The following PKD1L3 variants were observed in gnomAD, a reference collection of about 807,000 sequenced individuals.
PKD1L3 encodes polycystin 1 like 3, transient receptor potential channel interacting, also known as polycystin-1-like protein 3.
PKD1L3 carries 239 observed loss-of-function variants against 184.1 expected under a neutral mutation model. The ratio of observed to expected loss-of-function variants is 1.30; its 90% CI spans 1.17 to 1.45. The LOEUF (loss-of-function observed/expected upper bound fraction) is 1.45. PKD1L3 is among the 40% of genes most tolerant of loss of function. The probability of loss-of-function intolerance (pLI) is 0.00; values close to 1 mark genes in which losing one functional copy is unlikely to be tolerated. For missense variants in PKD1L3, 2,660 were observed against 2,067.2 expected (o/e 1.29, Z -5.56); for synonymous variants, 996 against 778.8 (o/e 1.28, Z -4.64).
chr16:71,995,324 G>T (rs533182965), intron 2 of PKD1L3, among the ~76,000 whole-genome samples: 18 of 152,180 alleles, frequency 1.2e-4, no homozygotes, highest in African/African-American at 4.1e-4. Flanking sequence ...TGTTTTGGAA[G>T]GGGCACATTC....
Position 71,937,311 on chromosome 16 carries a change from C to A in PKD1L3, c.4433G>T (p.Cys1478Phe). ...ACTCACCTGTATGAAGGCATAGTAA[C>A]AGACCAGTAGATAATAGATGACTTG... ...ISQVIYYLLV[C>F]YYAFIQGCQL... The change falls in exon 25 of 30, where the codon TGT becomes TTT. Residue 1478 changes from cysteine to phenylalanine, a missense_variant. By Grantham distance (205) the Cys-to-Phe change is radical (BLOSUM62 -2). Coordinates refer to ENST00000620267, the MANE Select transcript of PKD1L3 (RefSeq NM_181536.2). 1 of 1,551,422 alleles carries A rather than the reference C, an allele frequency of 6.4e-7. No individual in the cohort carries two copies. Among genetic ancestry groups the A allele is most frequent in the Non-Finnish European group, 8.7e-7 (1 of 1,146,896 alleles).
Position 71,953,042 on chromosome 16 carries a change from G to A in PKD1L3, c.2861C>T (p.Ala954Val), listed in dbSNP as rs2038908067. 5.8e-6 allele frequency: 9 copies of A among 1,547,164 alleles called. No homozygotes were observed. In the East Asian group the frequency reaches 2.2e-4, roughly 38 times the overall value. ...AAGATTGATTGGGAAGAGGATGACA[G>A]CAGTATGGATGCTGACCAGCAGTTC... ...WSELLVSIHTAVILFPINLVI... is the reference protein window; with the variant it reads ...WSELLVSIHTVVILFPINLVI... Residue 954 changes from alanine (A) to valine (V), a missense_variant, in exon 18 of 30, where the codon GCT (alanine) becomes GTT (valine). Transcript: ENST00000620267.
At position 71,992,194 on chromosome 16, in the gene PKD1L3, G is replaced by T. The variant is rs143763091; in HGVS notation, c.535+1022C>A. On this transcript the variant is annotated intron_variant, in intron 3 of 29. Coordinates refer to ENST00000620267, the MANE Select transcript of PKD1L3 (RefSeq NM_181536.2). ...GATCCAGCCCGCAAACTTTTTAAAGGACCCTACGTACATAAATATTAGGCA... is the reference window on the plus strand; with the variant it reads ...GATCCAGCCCGCAAACTTTTTAAAGTACCCTACGTACATAAATATTAGGCA... 2.8e-3 allele frequency among the ~76,000 whole-genome samples: 431 copies of T among 152,208 alleles called. 3 individuals carry two copies. The highest frequency in any genetic ancestry group is 9.9e-3 in the African/African-American group (411 of 41,516).
At chr16:71,975,299 C>G (rs1175792876) in intron 11 of PKD1L3, among the ~76,000 whole-genome samples, 2 of 151,166 alleles carry the variant, frequency 1.3e-5, no homozygotes, top group Non-Finnish European at 2.9e-5. Flanking sequence ...CTTAAGTGAT[C>G]CTCCTGCCTT....
Position 71,980,142 on chromosome 16 carries a change from G to C in PKD1L3, c.1144-8C>G, listed in dbSNP as rs545105476. 84 of 1,551,206 alleles carry C rather than the reference G, an allele frequency of 5.4e-5. No individual in the cohort carries two copies. Among genetic ancestry groups the C allele is most frequent in the Non-Finnish European group, 6.5e-5 (75 of 1,146,618 alleles). On this transcript the variant is annotated splice_polypyrimidine_tract_variant and splice_region_variant and intron_variant, in intron 7 of 29. Coordinates refer to ENST00000620267, the MANE Select transcript of PKD1L3 (RefSeq NM_181536.2). Reference sequence around the variant, plus strand: ...TTCCAGGATGTCTTCTACCTGCATGGAAAGGAAAACAGTGTGTGACTTGTA... The same window carrying C: ...TTCCAGGATGTCTTCTACCTGCATGCAAAGGAAAACAGTGTGTGACTTGTA...
At chr16:71,993,712 G>C (rs17664900) in intron 2 of PKD1L3, among the ~76,000 whole-genome samples, 1 of 152,122 alleles carries the variant, frequency 6.6e-6, no homozygotes, top group African/African-American at 2.4e-5. Flanking sequence ...CATACTAAGC[G>C]TAATATTCTC....
At position 71,984,068 on chromosome 16, in the gene PKD1L3, C is replaced by A; in HGVS notation, c.934G>T (p.Ala312Ser). The A allele has an allele frequency of 1.3e-6, 2 of 1,552,286 alleles. No homozygotes were observed. The highest frequency in any genetic ancestry group is 2.4e-5 in the South Asian group (2 of 84,062). The change falls in exon 6 of 30, where the codon GCC becomes TCC. Residue 312 changes from alanine (A) to serine (S), a missense_variant. Coordinates refer to ENST00000620267, the MANE Select transcript of PKD1L3 (RefSeq NM_181536.2). Reference protein sequence around the residue: ...EACEFLQKLTALTPRFSKPAQ... With the variant: ...EACEFLQKLTSLTPRFSKPAQ... ...GGCTTAGAAAATCTTGGGGTTAAGG[C>A]TGTTAGTTTCTGGAGGAACTCACAA...
At chr16:71,996,178 G>C (rs555030658) in intron 2 of PKD1L3, among the ~76,000 whole-genome samples, 1 of 151,314 alleles carries the variant, frequency 6.6e-6, no homozygotes, top group East Asian at 1.9e-4. Context: ...AACAGGATAT[G>C]GACGCTGATA....
At chr16:71,937,442 G>A (rs752204138) in intron 24 of PKD1L3, 23 bp from the exon 25 acceptor site, 10 of 1,546,158 alleles carry the variant, frequency 6.5e-6, no homozygotes, top group African/African-American at 1.4e-5. Flanking sequence ...AAGAACACCT[G>A]GAGTCAAGAG....
intron 21 of PKD1L3, among the ~76,000 whole-genome samples, chr16:71,948,080 A>T (rs1436081832): frequency 6.6e-6 from 1 of 151,384 alleles, no homozygotes; most frequent in Non-Finnish European, 1.5e-5. Context: ...CACCCAGTTT[A>T]TTTTATTATT....
At chr16:71,985,707 C>G (rs984868974) in intron 5 of PKD1L3, among the ~76,000 whole-genome samples, 6 of 152,172 alleles carry the variant, frequency 3.9e-5, no homozygotes, top group Non-Finnish European at 7.3e-5. Flanking sequence ...GCTGGAATTA[C>G]AGGCGTGAGC....
intron 24 of PKD1L3, among the ~76,000 whole-genome samples, chr16:71,941,117 C>T (rs1450387740): frequency 3.3e-5 from 5 of 152,040 alleles, no homozygotes; most frequent in African/African-American, 4.8e-5. Context: ...GGATTATAGG[C>T]TTGAGACACC....
Position 71,930,185 on chromosome 16 carries a change from T to G in PKD1L3, c.4927-2A>C, listed in dbSNP as rs749740158. The G allele has an allele frequency of 6.5e-7, 1 of 1,539,782 alleles. No homozygotes were observed. The highest frequency in any genetic ancestry group is 8.8e-7 in the Non-Finnish European group (1 of 1,142,610). On this transcript the variant is annotated splice_acceptor_variant, in intron 28 of 29. Transcript: ENST00000620267. LOFTEE classifies it high-confidence loss of function. ...CAGGACTGGGTCTAAAGCGAAAACCTGGGAAAACAATAAGAACACTTGCAG... is the reference window on the plus strand; with the variant it reads ...CAGGACTGGGTCTAAAGCGAAAACCGGGGAAAACAATAAGAACACTTGCAG...
rs900695169 is a variant in PKD1L3, at chr16:71,966,514, C to A, written c.2465+623G>T. Among the ~76,000 whole-genome samples, 26 of 151,412 alleles carry A rather than the reference C, an allele frequency of 1.7e-4. No homozygotes were observed. In the Admixed American group the frequency reaches 1.7e-3, roughly 10 times the overall value. On this transcript the variant is annotated intron_variant, in intron 15 of 29. Transcript: ENST00000620267. Reference sequence around the variant, plus strand: ...GCAGACATGCTCACTGCAGCTTCAACCTCCGAGGCTCAAGTTATCCTCCCA... The same window carrying A: ...GCAGACATGCTCACTGCAGCTTCAAACTCCGAGGCTCAAGTTATCCTCCCA...
chr16:71,967,823 G>C lies in PKD1L3; in HGVS notation c.2286+83C>G, dbSNP rs1009892613. On this transcript the variant is annotated intron_variant, in intron 14 of 29. Coordinates refer to ENST00000620267, the MANE Select transcript of PKD1L3 (RefSeq NM_181536.2). ...CTCTAGTCTCTTTTAAAGTGCTATTGGTTGCCAGGATATCACCAACTCAGA... is the reference window on the plus strand; with the variant it reads ...CTCTAGTCTCTTTTAAAGTGCTATTCGTTGCCAGGATATCACCAACTCAGA... 18 of 1,150,192 alleles carry C rather than the reference G, an allele frequency of 1.6e-5. 1 individual carries two copies. The highest frequency in any genetic ancestry group is 2.1e-5 in the Non-Finnish European group (17 of 797,796). 71.2% of individuals were successfully genotyped at this position (1,150,192 alleles called of 1,614,324 possible).
intron 13 of PKD1L3, among the ~76,000 whole-genome samples, chr16:71,968,976 G>C (rs1298007807): frequency 1.3e-5 from 2 of 151,494 alleles, no homozygotes; most frequent in Non-Finnish European, 2.9e-5. Context: ...CCAGGCTGGA[G>C]TGCAGTGGGG....
At chr16:71,964,923 TG>T (rs1369847710) in intron 15 of PKD1L3, among the ~76,000 whole-genome samples, 1 of 151,356 alleles carries the variant, frequency 6.6e-6, no homozygotes, top group Non-Finnish European at 1.5e-5. Context: ...CTTGGCTCAC[TG>T]CAACCTCCAC....
rs2040089591 is a variant in PKD1L3, at chr16:71,980,059, G to C, written c.1219C>G (p.Pro407Ala). 6.4e-7 allele frequency: 1 copy of C among 1,551,922 alleles called. No individual in the cohort carries two copies. ...GAGGTCAAAGTCACTGAAGACTCGGGAGACTGGTTCTGCTCTAGAAATGCT... is the reference window on the plus strand; with the variant it reads ...GAGGTCAAAGTCACTGAAGACTCGGCAGACTGGTTCTGCTCTAGAAATGCT... ...GEAFLEQNQSPESSVTLTSAN... is the reference protein window; with the variant it reads ...GEAFLEQNQSAESSVTLTSAN... The change falls in exon 8 of 30, where the codon CCC (proline) becomes GCC (alanine). Residue 407 changes from proline to alanine, a missense_variant. Pro to Ala is a conservative substitution (Grantham distance 27). Coordinates refer to ENST00000620267, the MANE Select transcript of PKD1L3 (RefSeq NM_181536.2).
At chr16:71,963,916 C>T (rs187205804) in intron 15 of PKD1L3, among the ~76,000 whole-genome samples, 1 of 152,290 alleles carries the variant, frequency 6.6e-6, no homozygotes, top group Admixed American at 6.5e-5. Flanking sequence ...ATTTTATAAC[C>T]TTTCTCTGTC....
Sources: allele counts gnomAD v4.1 joint callset (sites outside exome capture counted in the v4.1 genomes callset), GRCh38; gene constraint gnomAD v4.1.1; transcripts MANE v1.5; gene names NCBI Gene and HGNC (gene_info 2026-07-23, HGNC 2026-07-21).